PYHIN1: variants seen among roughly 807,000 people sequenced by gnomAD.
PYHIN1 encodes the protein pyrin and HIN domain-containing protein 1.
Under a neutral mutation model 43.7 loss-of-function variants are expected in PYHIN1, and 32 were observed. That is an observed-to-expected ratio of 0.73 (90% CI 0.55 to 0.98). PYHIN1 has a LOEUF of 0.98. Among genes scored for constraint, PYHIN1 ranks in the 50% least tolerant of loss-of-function variants. The probability of loss-of-function intolerance (pLI) is 0.00; values close to 1 mark genes in which losing one functional copy is unlikely to be tolerated. For missense variants in PYHIN1, 588 were observed against 589.5 expected (o/e 1.00, Z 0.03); for synonymous variants, 205 against 203.1 (o/e 1.01, Z -0.08).
chr1:158,989,866 T>C, the PYHIN1 span, among the ~76,000 whole-genome samples: 1 of 146,808 alleles, frequency 6.8e-6, no homozygotes, highest in Non-Finnish European at 1.5e-5. Flanking sequence ...GTTTATAACA[T>C]TTATTAATTT....
Position 158,973,695 on chromosome 1 carries a change from A to G in PYHIN1, c.1408A>G (p.Ile470Val), listed in dbSNP as rs1280163217. The stretch of plus-strand genomic sequence containing the variant: ...ACAGTCATCGCCTGCAAACTTTAGA[A>G]TCACCTCACCAACTGTGGCCCCTCC... ...GAQSSPANFR[I>V]TSPTVAPPLS... is the part of the protein sequence containing the mutation. Residue 470 changes from isoleucine (I) to valine (V), a missense_variant, in exon 8 of 9, where the codon ATC becomes GTC. Ile to Val is a conservative substitution (Grantham distance 29). Transcript: ENST00000368140. The G allele has an allele frequency of 6.2e-7, 1 of 1,613,254 alleles. No homozygotes were observed. Among genetic ancestry groups the G allele is most frequent in the Non-Finnish European group, 8.5e-7 (1 of 1,179,492 alleles).
intron 7 of PYHIN1, among the ~76,000 whole-genome samples, chr1:158,946,126 C>A (rs1037940119): frequency 6.6e-6 from 1 of 152,140 alleles, no homozygotes; most frequent in East Asian, 1.9e-4. Flanking sequence ...AATATGTTTG[C>A]ATAGCCCAGG....
intron 7 of PYHIN1, among the ~76,000 whole-genome samples, chr1:158,957,099 A>C (rs1300727373): frequency 6.9e-6 from 1 of 145,760 alleles, no homozygotes; most frequent in Admixed American, 6.9e-5. Flanking sequence ...TCAAGGAAAT[A>C]AAAGAGGATA....
chr1:158,985,060 G>T, the PYHIN1 span, among the ~76,000 whole-genome samples: 2 of 152,002 alleles, frequency 1.3e-5, no homozygotes, highest in African/African-American at 2.4e-5. Context: ...TACATGTAAG[G>T]TGGGTCTCTT....
At chr1:158,934,497 C>G (rs1648386034) in intron 1 of PYHIN1, among the ~76,000 whole-genome samples, 1 of 151,798 alleles carries the variant, frequency 6.6e-6, no homozygotes, top group South Asian at 2.1e-4. Context: ...TGCAGGTGAT[C>G]TAAAGCCTTC....
chr1:158,947,634 C>T (rs566791481), intron 7 of PYHIN1, among the ~76,000 whole-genome samples: 25 of 152,358 alleles, frequency 1.6e-4, no homozygotes, highest in African/African-American at 5.0e-4. Flanking sequence ...CCTGTCAGTT[C>T]GGCTAAGGGT....
At chr1:158,984,254 A>G in the PYHIN1 span, among the ~76,000 whole-genome samples, 3 of 151,818 alleles carry the variant, frequency 2.0e-5, no homozygotes, top group East Asian at 5.8e-4. Context: ...TAAATTTAAG[A>G]TATTTCTGAC....
the PYHIN1 span, among the ~76,000 whole-genome samples, chr1:158,982,066 T>C: frequency 2.0e-5 from 3 of 152,196 alleles, no homozygotes; most frequent in Admixed American, 2.0e-4. Context: ...AGTTTGCAAA[T>C]ACTTTCTCCC....
intron 7 of PYHIN1, among the ~76,000 whole-genome samples, chr1:158,947,870 TTAGA>T (rs1649307116): frequency 6.6e-6 from 1 of 152,252 alleles, no homozygotes; most frequent in Non-Finnish European, 1.5e-5. Context: ...AACAAGCTAT[TTAGA>T]TAAACTACCT....
chr1:158,941,723 T>A (rs527434423), intron 4 of PYHIN1, among the ~76,000 whole-genome samples: 7 of 152,344 alleles, frequency 4.6e-5, no homozygotes, highest in Middle Eastern at 3.4e-3. Flanking sequence ...ACTTGTCTTT[T>A]GTTGCTATTA....
intron 7 of PYHIN1, among the ~76,000 whole-genome samples, chr1:158,962,588 A>T (rs1650385974): frequency 6.6e-6 from 1 of 152,108 alleles, no homozygotes; most frequent in Non-Finnish European, 1.5e-5. Context: ...AGAAAATCTC[A>T]GAGACAACCC....
At chr1:158,944,806 C>T in intron 6 of PYHIN1, 69 bp from the exon 7 acceptor site, 1 of 1,170,182 alleles carries the variant, frequency 8.5e-7, no homozygotes. Context: ...ATGATATTCT[C>T]ACATATTTAA....
At chr1:158,984,864 A>G in the PYHIN1 span, among the ~76,000 whole-genome samples, 1 of 152,068 alleles carries the variant, frequency 6.6e-6, no homozygotes. Context: ...TAGGATAGTT[A>G]AGTCTTGTTT....
At position 158,943,843 on chromosome 1, in the gene PYHIN1, T is replaced by C; in HGVS notation, c.1056T>C (p.Ser352=). 6.2e-7 allele frequency: 1 copy of C among 1,609,724 alleles called. No homozygotes were observed. ...ATGAAATTCAGGATAAAACAGGAAG[T>C]ATGGCTGTAGTAGGAAAAGGAGAAT... The part of the protein sequence containing the change: ...TIYEIQDKTG[S]MAVVGKGECH... Residue 352 remains serine, a synonymous_variant, in exon 6 of 9, where the codon AGT becomes AGC. Transcript: ENST00000368140.
chr1:158,936,826 G>A, intron 1 of PYHIN1, 65 bp from the exon 2 acceptor site: 1 of 1,075,140 alleles, frequency 9.3e-7, no homozygotes. Context: ...ATTCACATAG[G>A]CATACATCTT....
chr1:158,939,429 T>C (rs1648770489), intron 4 of PYHIN1, 182 bp downstream of exon 4: 1 of 1,554,304 alleles, frequency 6.4e-7, no homozygotes, highest in South Asian at 1.2e-5. Flanking sequence ...TGACATTATC[T>C]CTGACTGCAG....
At chr1:158,962,791 C>T (rs974017582) in intron 7 of PYHIN1, among the ~76,000 whole-genome samples, 2 of 152,156 alleles carry the variant, frequency 1.3e-5, no homozygotes, top group Non-Finnish European at 2.9e-5. Flanking sequence ...CTTTGAACTG[C>T]AAAACAGCTG....
At chr1:158,943,677 C>A in intron 5 of PYHIN1, 113 bp from the exon 6 acceptor site, 2 of 626,418 alleles carry the variant, frequency 3.2e-6, no homozygotes, top group Non-Finnish European at 5.5e-6. Context: ...TATGTCGATA[C>A]AGTACTAGGA....
the PYHIN1 span, among the ~76,000 whole-genome samples, chr1:158,990,157 G>A: frequency 6.7e-6 from 1 of 149,376 alleles, no homozygotes; most frequent in Non-Finnish European, 1.5e-5. Context: ...AGACAGAAGA[G>A]GATAAGAGAA....
Sources: gnomAD v4.1 joint callset for allele counts (sites outside exome capture counted in the v4.1 genomes callset) on GRCh38, gnomAD v4.1.1 for gene constraint, MANE v1.5 for transcripts, NCBI Gene and HGNC (gene_info 2026-07-23, HGNC 2026-07-21) for gene names.